Variants in DUSP29 observed in about 807,000 individuals in gnomAD.
The protein encoded by DUSP29 is dual specificity phosphatase 29, also known as atypical dual-specific protein phosphatase.
In DUSP29, 12 loss-of-function variants were observed where a neutral mutation model predicts 13.5. The ratio of observed to expected loss-of-function variants is 0.89; its 90% CI spans 0.57 to 1.44. DUSP29 has a LOEUF of 1.44. Among genes scored for constraint, DUSP29 ranks in the 40% most tolerant of loss-of-function variants. DUSP29 has a pLI of 0.00. For missense variants in DUSP29, 308 were observed against 301.1 expected (o/e 1.02, Z -0.17); for synonymous variants, 134 against 128.7 (o/e 1.04, Z -0.28).
intron 1 of DUSP29, among the ~76,000 whole-genome samples, chr10:75,066,776 G>A (rs1454716604): frequency 6.6e-6 from 1 of 152,058 alleles, no homozygotes; most frequent in African/African-American, 2.4e-5. Flanking sequence ...AGTGCCTCCT[G>A]TCAAGTGGGA....
chr10:75,039,622 C>CTGT (rs1846543767), intron 3 of DUSP29, among the ~76,000 whole-genome samples: 1 of 152,190 alleles, frequency 6.6e-6, no homozygotes, highest in Admixed American at 6.5e-5. Context: ...TAGGCTAAGA[C>CTGT]TGTTACCCTG....
At chr10:75,047,128 A>G (rs1846724444) in intron 2 of DUSP29, among the ~76,000 whole-genome samples, 1 of 152,204 alleles carries the variant, frequency 6.6e-6, no homozygotes, top group Non-Finnish European at 1.5e-5. Context: ...GAGGACCCTG[A>G]GACCCGGTGG....
chr10:75,044,274 G>A (rs1023289905), intron 2 of DUSP29, among the ~76,000 whole-genome samples: 2 of 152,130 alleles, frequency 1.3e-5, no homozygotes, highest in African/African-American at 4.8e-5. Context: ...TCGTCCATTA[G>A]TTCTTTCATC....
At chr10:75,048,423 C>T (rs1431705107) in intron 2 of DUSP29, among the ~76,000 whole-genome samples, 6 of 147,316 alleles carry the variant, frequency 4.1e-5, no homozygotes, top group Admixed American at 2.1e-4. Context: ...GACAGAGTCT[C>T]GCTCTGTCGC....
At chr10:75,038,137 T>G in intron 3 of DUSP29, 60 bp from the exon 4 acceptor site, 1 of 1,564,040 alleles carries the variant, frequency 6.4e-7, no homozygotes, top group Admixed American at 1.7e-5. Flanking sequence ...GGGGCACAGG[T>G]AGGGCCCACT....
chr10:75,047,096 T>C (rs1589859240), intron 2 of DUSP29, among the ~76,000 whole-genome samples: 1 of 152,198 alleles, frequency 6.6e-6, no homozygotes, highest in Non-Finnish European at 1.5e-5. Context: ...TGGTTGTGCC[T>C]GAGGCAGAGA....
chr10:75,073,443 A>T (rs996425782), intron 1 of DUSP29, among the ~76,000 whole-genome samples, 126 bp downstream of exon 1: 11 of 152,340 alleles, frequency 7.2e-5, no homozygotes, highest in Non-Finnish European at 1.2e-4. Context: ...CACTAGAAGG[A>T]GGTCGGCTAT....
At chr10:75,048,115 G>C (rs1450623081) in intron 2 of DUSP29, among the ~76,000 whole-genome samples, 1 of 152,184 alleles carries the variant, frequency 6.6e-6, no homozygotes, top group Non-Finnish European at 1.5e-5. Context: ...TTTTAAAGGT[G>C]AAATTGCTGG....
chr10:75,037,935 G>GC lies in DUSP29; in HGVS notation c.563dup (p.Phe189LeufsTer25), dbSNP rs771520249. 2 of 1,613,930 alleles carry GC rather than the reference G, an allele frequency of 1.2e-6. No homozygotes were observed. The highest frequency in any genetic ancestry group is 3.3e-5 in the Admixed American group (2 of 60,036). On this transcript the variant is annotated frameshift_variant, in exon 4 of 4. Transcript: ENST00000338487. LOFTEE classifies it low-confidence loss of function (END_TRUNC). ...CCAGCTCCCGGAGCTGCTTCAAAAAGCCCCGGTTCGGGAGGACGCAGCGGT... is the reference window on the plus strand; with the variant it reads ...CCAGCTCCCGGAGCTGCTTCAAAAAGCCCCCGGTTCGGGAGGACGCAGCGGT...
intron 1 of DUSP29, among the ~76,000 whole-genome samples, chr10:75,071,382 G>T (rs940638561): frequency 6.6e-6 from 1 of 152,158 alleles, no homozygotes; most frequent in Non-Finnish European, 1.5e-5. Context: ...CCCCACCCTG[G>T]TGGACTCAAC....
chr10:75,040,588 A>G (rs2134279917), intron 3 of DUSP29, among the ~76,000 whole-genome samples: 1 of 152,332 alleles, frequency 6.6e-6, no homozygotes, highest in Non-Finnish European at 1.5e-5. Flanking sequence ...CTCGCCCTCC[A>G]TGATATTCGG....
chr10:75,050,748 G>A (rs530566163), intron 2 of DUSP29, among the ~76,000 whole-genome samples: 32 of 152,368 alleles, frequency 2.1e-4, no homozygotes, highest in Admixed American at 1.8e-3. Flanking sequence ...AGAGGAATGA[G>A]TGGGGAGTGG....
intron 1 of DUSP29, among the ~76,000 whole-genome samples, chr10:75,065,947 T>C (rs532433728): frequency 1.3e-5 from 2 of 152,206 alleles, no homozygotes; most frequent in South Asian, 4.2e-4. Context: ...CCCAGGCCTG[T>C]CTCCAACTTC....
chr10:75,061,826 A>C (rs1847095023), intron 1 of DUSP29, among the ~76,000 whole-genome samples: 1 of 152,128 alleles, frequency 6.6e-6, no homozygotes, highest in South Asian at 2.1e-4. Context: ...GGGTTGGATG[A>C]GGAAGTGGCT....
chr10:75,048,060 A>T (rs1182518150), intron 2 of DUSP29, among the ~76,000 whole-genome samples: 1 of 152,190 alleles, frequency 6.6e-6, no homozygotes, highest in East Asian at 1.9e-4. Flanking sequence ...AAACATTTTG[A>T]TGTGTTTCTT....
chr10:75,049,062 A>T (rs555076712), intron 2 of DUSP29, among the ~76,000 whole-genome samples: 3 of 152,234 alleles, frequency 2.0e-5, no homozygotes, highest in South Asian at 4.1e-4. Context: ...GGAAAGATTT[A>T]TGTCAGAATG....
At chr10:75,067,852 G>T (rs185925765) in intron 1 of DUSP29, among the ~76,000 whole-genome samples, 236 of 151,716 alleles carry the variant, frequency 1.6e-3, no homozygotes, top group Non-Finnish European at 3.0e-3. Flanking sequence ...TCACTCTGTC[G>T]CCCAGGCTGG....
rs1170146719 is a variant in DUSP29 at position 75,064,022 on chromosome 10, A to T, written c.-34-5474T>A. On this transcript the variant is annotated intron_variant, in intron 1 of 3. Transcript: ENST00000338487. ...CCTTTGAAGAGCTATCAGCACAGGG[A>T]CTCCTCATTAACTCAGACTCTAGTT... Among the ~76,000 whole-genome samples, 3 of 150,590 alleles carry T rather than the reference A, an allele frequency of 2.0e-5. No homozygotes were observed. In the East Asian group the frequency reaches 5.9e-4, roughly 30 times the overall value.
chr10:75,065,421 C>T (rs1280860921), intron 1 of DUSP29, among the ~76,000 whole-genome samples: 4 of 151,634 alleles, frequency 2.6e-5, no homozygotes, highest in South Asian at 2.1e-4. Context: ...CTGGAGCTCA[C>T]GGGTTCAAGC....
Sources: gnomAD v4.1 joint callset for allele counts (sites outside exome capture counted in the v4.1 genomes callset) on GRCh38, gnomAD v4.1.1 for gene constraint, MANE v1.5 for transcripts, NCBI Gene and HGNC (gene_info 2026-07-23, HGNC 2026-07-21) for gene names.